Variants in OR11A1 observed in about 807,000 individuals in gnomAD.
The protein encoded by OR11A1 is olfactory receptor 11A1.
For synonymous variants in OR11A1, 158 were observed against 152.2 expected, an observed-to-expected ratio of 1.04 and a Z score of -0.28; for missense variants, 380 against 378.2, an observed-to-expected ratio of 1.00 and a Z score of -0.04.
At chr6:29,441,984 TAAC>T (rs1784237149) in intron 1 of OR11A1, among the ~76,000 whole-genome samples, 1 of 152,216 alleles carries the variant, frequency 6.6e-6, no homozygotes, top group African/African-American at 2.4e-5. Flanking sequence ...AAAGTTGCGG[TAAC>T]AACAGAGTCT....
At position 29,426,811 on chromosome 6, in the gene OR11A1, C is replaced by G; in HGVS notation, c.831G>C (p.Leu277=). ...AGAGAGGGGTGACCACAGTGTAGAG[C>G]AGGGAGAAGACCTTGGAGAGGAGCT... ...HSQLLSKVFS[L]LYTVVTPLFN... is the part of the protein sequence containing the mutation. The change falls in exon 5 of 5, where the codon CTG becomes CTC. Residue 277 remains leucine, a synonymous_variant. Transcript: ENST00000377149. 2 of 1,613,080 alleles carry G rather than the reference C, an allele frequency of 1.2e-6. No individual in the cohort carries two copies. The highest frequency in any genetic ancestry group is 1.7e-6 in the Non-Finnish European group (2 of 1,180,016).
rs143481974 is a variant in OR11A1, at chr6:29,440,466, G to A, written c.-388-8479C>T. 6.6e-5 allele frequency: 106 copies of A among 1,613,972 alleles called. No homozygotes were observed. In the African/African-American group the frequency reaches 1.4e-3, roughly 21 times the overall value. On this transcript the variant is annotated intron_variant, in intron 1 of 4. Coordinates refer to ENST00000377149, the MANE Select transcript of OR11A1 (RefSeq NM_001394828.1). Reference sequence around the variant, plus strand: ...GCTAGCTGGGTCGGCGTGGGCCTGTGGGGTGCTGGTGGGGCTGGGCCACAC... The same window carrying A: ...GCTAGCTGGGTCGGCGTGGGCCTGTAGGGTGCTGGTGGGGCTGGGCCACAC...
intron 1 of OR11A1, among the ~76,000 whole-genome samples, chr6:29,444,571 A>G (rs1290308202): frequency 6.6e-6 from 1 of 152,220 alleles, no homozygotes; most frequent in Non-Finnish European, 1.5e-5. Flanking sequence ...ATTTGTCCCA[A>G]GGACTATATG....
At chr6:29,433,571 C>A (rs749017103) in intron 1 of OR11A1, among the ~76,000 whole-genome samples, 6 of 152,162 alleles carry the variant, frequency 3.9e-5, no homozygotes, top group Non-Finnish European at 7.4e-5. Context: ...TTTCTCTATC[C>A]ATTCATCTGC....
At chr6:29,456,113 C>A (rs962643440) in intron 1 of OR11A1, among the ~76,000 whole-genome samples, 2 of 151,494 alleles carry the variant, frequency 1.3e-5, no homozygotes, top group African/African-American at 4.9e-5. Context: ...GTCTATAATC[C>A]CAGCTACTCA....
chr6:29,432,628 T>A (rs1478241526), intron 1 of OR11A1, among the ~76,000 whole-genome samples: 1 of 152,184 alleles, frequency 6.6e-6, no homozygotes. Flanking sequence ...GGCGTGATGT[T>A]ACAAAATGAC....
intron 1 of OR11A1, among the ~76,000 whole-genome samples, chr6:29,449,448 T>C (rs951065414): frequency 6.6e-6 from 1 of 152,178 alleles, no homozygotes; most frequent in South Asian, 2.1e-4. Context: ...AAGTTTCTAA[T>C]CTCTACATAT....
chr6:29,454,590 A>G (rs763713135), intron 1 of OR11A1, among the ~76,000 whole-genome samples: 8 of 152,214 alleles, frequency 5.3e-5, no homozygotes, highest in Non-Finnish European at 1.2e-4. Flanking sequence ...ATACAACCCA[A>G]TAATTCCACT....
intron 1 of OR11A1, among the ~76,000 whole-genome samples, chr6:29,443,467 C>A (rs1001988955): frequency 6.6e-6 from 1 of 152,134 alleles, no homozygotes; most frequent in Non-Finnish European, 1.5e-5. Context: ...GAGTGATACT[C>A]CATTGTATAG....
At chr6:29,447,555 G>A (rs1784892311) in intron 1 of OR11A1, among the ~76,000 whole-genome samples, 1 of 152,214 alleles carries the variant, frequency 6.6e-6, no homozygotes. Context: ...TCTTGCACTA[G>A]CATGGGTCTG....
rs11968123 is a variant in OR11A1 at position 29,440,944 on chromosome 6, T to G, written c.-388-8957A>C. ...AGAACCATCCAGAAAACGGTGCCTA[T>G]GGAGATTTGAAAAGGGGGCGATAGT... On this transcript the variant is annotated intron_variant, in intron 1 of 4. Coordinates refer to ENST00000377149, the MANE Select transcript of OR11A1 (RefSeq NM_001394828.1). 7.8e-3 allele frequency: 12,470 copies of G among 1,604,758 alleles called. 185 individuals are homozygous for G. Among genetic ancestry groups the G allele is most frequent in the African/African-American group, 0.061 (4,570 of 74,882 alleles).
chr6:29,439,665 C>T, intron 1 of OR11A1: 1 of 265,670 alleles, frequency 3.8e-6, no homozygotes, highest in Non-Finnish European at 7.0e-6. Flanking sequence ...ATTGGAAAAT[C>T]AGAAAAGAGT....
intron 1 of OR11A1, among the ~76,000 whole-genome samples, chr6:29,435,437 T>C (rs1241643862): frequency 6.6e-6 from 1 of 152,220 alleles, no homozygotes; most frequent in Non-Finnish European, 1.5e-5. Context: ...GTAATTCCAG[T>C]TGGAAAAGAA....
intron 4 of OR11A1, chr6:29,428,100 A>G: frequency 2.4e-6 from 1 of 416,336 alleles, no homozygotes. Context: ...ATCACAACCA[A>G]TTCCTCTATG....
At chr6:29,450,143 A>G (rs547809812) in intron 1 of OR11A1, 2 of 152,052 alleles carry the variant, frequency 1.3e-5, no homozygotes, top group South Asian at 2.1e-4. Flanking sequence ...CTAGAAGAGG[A>G]AAAAAAACAC....
chr6:29,435,665 T>C (rs1216214737), intron 1 of OR11A1, among the ~76,000 whole-genome samples: 1 of 152,248 alleles, frequency 6.6e-6, no homozygotes, highest in Admixed American at 6.5e-5. Flanking sequence ...TATATTTTAA[T>C]ACAAAAGAGA....
At chr6:29,427,960 C>G (rs185672852) in intron 4 of OR11A1, among the ~76,000 whole-genome samples, 1 of 152,110 alleles carries the variant, frequency 6.6e-6, no homozygotes, top group Non-Finnish European at 1.5e-5. Context: ...CTACCTCTTT[C>G]GCATAATCAC....
At chr6:29,440,505 T>C (rs1234651120) in intron 1 of OR11A1, 2 of 1,613,646 alleles carry the variant, frequency 1.2e-6, no homozygotes, top group Non-Finnish European at 8.5e-7. Context: ...TTTCATCTTC[T>C]CTTTGCCCTT....
At chr6:29,436,453 G>A (rs925106458) in intron 1 of OR11A1, among the ~76,000 whole-genome samples, 13 of 152,086 alleles carry the variant, frequency 8.5e-5, no homozygotes, top group African/African-American at 3.1e-4. Flanking sequence ...TAGGGCTGTT[G>A]GCTGTGGGTT....
Sources: allele counts gnomAD v4.1 joint callset (sites outside exome capture counted in the v4.1 genomes callset), GRCh38; gene constraint gnomAD v4.1.1; transcripts MANE v1.5; gene names NCBI Gene and HGNC (gene_info 2026-07-23, HGNC 2026-07-21).